Variants in MAP1LC3B2 observed in about 807,000 individuals in gnomAD.
MAP1LC3B2 encodes microtubule-associated protein 1 light chain 3 beta 2.
For synonymous variants in MAP1LC3B2, 62 were observed against 57.8 expected, an observed-to-expected ratio of 1.07 and a Z score of -0.33; for missense variants, 155 against 154.6, an observed-to-expected ratio of 1.00 and a Z score of -0.01.
intron 1 of MAP1LC3B2, among the ~76,000 whole-genome samples, chr12:116,564,091 T>G (rs1359849097): frequency 6.6e-6 from 1 of 152,180 alleles, no homozygotes. Context: ...AAGATACATT[T>G]GGTTCTTTTT....
chr12:116,560,704 A>G (rs1869248893), intron 1 of MAP1LC3B2, among the ~76,000 whole-genome samples: 1 of 152,154 alleles, frequency 6.6e-6, no homozygotes, highest in African/African-American at 2.4e-5. Context: ...TAGGATCTCA[A>G]GATTGAATCA....
chr12:116,561,677 G>A (rs1407331506), intron 1 of MAP1LC3B2, among the ~76,000 whole-genome samples: 1 of 152,208 alleles, frequency 6.6e-6, no homozygotes, highest in Admixed American at 6.5e-5. Flanking sequence ...CATTCACTGA[G>A]GCAGCTGGAT....
chr12:116,575,237 A>C (rs1353938529), intron 1 of MAP1LC3B2, among the ~76,000 whole-genome samples: 2 of 152,148 alleles, frequency 1.3e-5, no homozygotes, highest in African/African-American at 2.4e-5. Flanking sequence ...AAAATAAAGA[A>C]GAAAAAAAGT....
At chr12:116,565,261 A>C (rs1032623467) in intron 1 of MAP1LC3B2, among the ~76,000 whole-genome samples, 3 of 152,212 alleles carry the variant, frequency 2.0e-5, no homozygotes, top group Non-Finnish European at 2.9e-5. Flanking sequence ...GCAATTTACA[A>C]AAGAAAGAGG....
intron 1 of MAP1LC3B2, among the ~76,000 whole-genome samples, chr12:116,561,646 C>T (rs1869274374): frequency 6.6e-6 from 1 of 152,184 alleles, no homozygotes; most frequent in Non-Finnish European, 1.5e-5. Context: ...AGTGTGACCT[C>T]ATTAACCAGC....
chr12:116,568,401 G>A (rs1592867429), intron 1 of MAP1LC3B2, among the ~76,000 whole-genome samples: 3 of 152,100 alleles, frequency 2.0e-5, no homozygotes, highest in African/African-American at 7.2e-5. Context: ...TCCTTCACTG[G>A]GTCCTCATAG....
chr12:116,573,920 C>T (rs962590235), intron 1 of MAP1LC3B2, among the ~76,000 whole-genome samples: 4 of 152,170 alleles, frequency 2.6e-5, no homozygotes, highest in African/African-American at 9.7e-5. Flanking sequence ...GGCCAACGAG[C>T]ATATGAAAAG....
intron 1 of MAP1LC3B2, among the ~76,000 whole-genome samples, chr12:116,571,428 G>GAGAAT (rs1402243698): frequency 7.3e-6 from 1 of 137,172 alleles, no homozygotes; most frequent in East Asian, 2.5e-4. Context: ...TCCTTCTCGT[G>GAGAAT]AGAATAGATG....
intron 1 of MAP1LC3B2, among the ~76,000 whole-genome samples, chr12:116,570,269 A>C (rs1264915580): frequency 6.6e-6 from 1 of 152,194 alleles, no homozygotes; most frequent in Non-Finnish European, 1.5e-5. Flanking sequence ...ATTCAGTAGA[A>C]ACTGTACTTC....
rs1237868733 is a variant in MAP1LC3B2 at position 116,575,896 on chromosome 12, C to T, written c.-47C>T. ...CGCAGCAGCCGCCACCCCCAGGAGC[C>T]GCCGGGACCCTCGCGTCGTCGCCGC... On this transcript the variant is annotated 5_prime_UTR_variant, in exon 2 of 2. Coordinates refer to ENST00000556529, the MANE Select transcript of MAP1LC3B2 (RefSeq NM_001085481.3). 1.9e-6 allele frequency: 3 copies of T among 1,611,512 alleles called. No individual in the cohort carries two copies. The highest frequency in any genetic ancestry group is 2.5e-6 in the Non-Finnish European group (3 of 1,178,390).
Position 116,570,371 on chromosome 12 carries a change from G to A in MAP1LC3B2, c.-101-5471G>A, listed in dbSNP as rs147460565. ...CACTTTATTATAAAATAGGCTTTGT[G>A]TTAGATGATTTTGCCCAACTGTAGG... On this transcript the variant is annotated intron_variant, in intron 1 of 1. Coordinates refer to ENST00000556529, the MANE Select transcript of MAP1LC3B2 (RefSeq NM_001085481.3). Among the ~76,000 whole-genome samples the A allele has an allele frequency of 2.5e-4, 38 of 152,292 alleles. No individual in the cohort carries two copies. The East Asian group carries it at 3.1e-3, about 12-fold the overall frequency.
intron 1 of MAP1LC3B2, among the ~76,000 whole-genome samples, chr12:116,563,127 A>G (rs1317477565): frequency 6.6e-6 from 1 of 151,824 alleles, no homozygotes; most frequent in African/African-American, 2.4e-5. Flanking sequence ...ATGCCTGGTT[A>G]ATTTTGTATT....
intron 1 of MAP1LC3B2, among the ~76,000 whole-genome samples, chr12:116,561,027 G>A (rs922410057): frequency 1.3e-5 from 2 of 152,090 alleles, no homozygotes; most frequent in Admixed American, 6.5e-5. Context: ...TGAGACACAA[G>A]AATCACTTGA....
chr12:116,570,585 C>T (rs926299465), intron 1 of MAP1LC3B2, among the ~76,000 whole-genome samples: 3 of 152,158 alleles, frequency 2.0e-5, no homozygotes, highest in Non-Finnish European at 4.4e-5. Flanking sequence ...GTAAGTCTCA[C>T]GAGATCTGAT....
intron 1 of MAP1LC3B2, among the ~76,000 whole-genome samples, chr12:116,563,376 A>G (rs1320320014): frequency 2.0e-5 from 3 of 152,190 alleles, no homozygotes; most frequent in Non-Finnish European, 4.4e-5. Flanking sequence ...CTGGACACAG[A>G]CTTTTGGTTG....
chr12:116,570,792 A>T (rs918954130), intron 1 of MAP1LC3B2, among the ~76,000 whole-genome samples: 1 of 152,158 alleles, frequency 6.6e-6, no homozygotes. Flanking sequence ...AGGCTAAGCT[A>T]TGATGTTTGG....
intron 1 of MAP1LC3B2, among the ~76,000 whole-genome samples, chr12:116,565,013 G>A (rs1869354985): frequency 6.6e-6 from 1 of 152,158 alleles, no homozygotes; most frequent in South Asian, 2.1e-4. Context: ...TGTACAGCTG[G>A]AAAACAACTT....
chr12:116,571,867 G>A (rs1013497565), intron 1 of MAP1LC3B2, among the ~76,000 whole-genome samples: 11 of 150,906 alleles, frequency 7.3e-5, no homozygotes, highest in African/African-American at 2.4e-4. Flanking sequence ...TAATGTCCGC[G>A]AAGTTCCTGC....
At chr12:116,572,809 ATGG>A (rs545717046) in intron 1 of MAP1LC3B2, among the ~76,000 whole-genome samples, 34 of 152,366 alleles carry the variant, frequency 2.2e-4, no homozygotes, top group Admixed American at 1.6e-3. Flanking sequence ...CTTTAGGTCA[ATGG>A]TTCTCAAACT....
Sources: gnomAD v4.1 joint callset for allele counts (sites outside exome capture counted in the v4.1 genomes callset) on GRCh38, gnomAD v4.1.1 for gene constraint, MANE v1.5 for transcripts, NCBI Gene and HGNC (gene_info 2026-07-23, HGNC 2026-07-21) for gene names.